Variants in SLC2A9 observed in about 807,000 individuals in gnomAD.
SLC2A9 encodes solute carrier family 2 member 9.
Under a neutral mutation model 50.6 loss-of-function variants are expected in SLC2A9, and 39 were observed. The ratio of observed to expected loss-of-function variants is 0.77; its 90% CI spans 0.60 to 1.01. SLC2A9 has a LOEUF of 1.01. SLC2A9 is among the 50% of genes least tolerant of loss of function. The pLI, the probability that SLC2A9 is intolerant of heterozygous loss-of-function variation, is 0.00. For missense variants in SLC2A9, 686 were observed against 677.6 expected (o/e 1.01, Z -0.14); for synonymous variants, 324 against 276.9 (o/e 1.17, Z -1.69).
intron 6 of SLC2A9, among the ~76,000 whole-genome samples, chr4:9,940,983 C>T (rs1437034984): frequency 6.6e-6 from 1 of 152,060 alleles, no homozygotes; most frequent in Non-Finnish European, 1.5e-5. Flanking sequence ...TCACAATGGC[C>T]CCATGAGGGA....
intron 10 of SLC2A9, chr4:9,878,968 A>G (rs1229829495): frequency 1.1e-6 from 1 of 900,046 alleles, no homozygotes; most frequent in African/African-American, 1.8e-5. Context: ...GTGGTGGTAG[A>G]AAACACCACA....
Position 10,019,836 on chromosome 4 carries a change from C to T in SLC2A9, c.151-763G>A, listed in dbSNP as rs533597328. 5.4e-4 allele frequency among the ~76,000 whole-genome samples: 82 copies of T among 152,328 alleles called. No individual in the cohort carries two copies. The South Asian group carries it at 0.01, about 19-fold the overall frequency. ...GGCGCCTGCCTTGGTGTTGTCCTGC[C>T]CTGCAGCCCCATCTAAGGACAGCCA... On this transcript the variant is annotated intron_variant, in intron 1 of 11. Transcript: ENST00000264784.
At chr4:9,882,823 G>A (rs568637328) in intron 10 of SLC2A9, among the ~76,000 whole-genome samples, 17 of 151,948 alleles carry the variant, frequency 1.1e-4, no homozygotes, top group East Asian at 7.7e-4. Context: ...ATAAATGGCC[G>A]TGTCCATTCT....
At chr4:9,822,064 T>C (rs1724476983), downstream of SLC2A9, among the ~76,000 whole-genome samples, 1 of 152,252 alleles carries the variant, frequency 6.6e-6, no homozygotes, top group South Asian at 2.1e-4. Flanking sequence ...GTAGGGTCTG[T>C]AGGGATATTG....
intron 10 of SLC2A9, among the ~76,000 whole-genome samples, chr4:9,878,177 AT>A (rs1002072342): frequency 7.2e-5 from 11 of 152,130 alleles, no homozygotes; most frequent in African/African-American, 2.4e-4. Context: ...CAATATATAT[AT>A]ATTTGATTTT....
intron 2 of SLC2A9, among the ~76,000 whole-genome samples, chr4:10,007,673 T>C (rs895312288): frequency 5.9e-5 from 9 of 152,234 alleles, no homozygotes; most frequent in Admixed American, 3.9e-4. Context: ...TGCATAGCTG[T>C]GTTTACAGGG....
intron 3 of SLC2A9, among the ~76,000 whole-genome samples, chr4:9,800,491 G>A (rs1002732193): frequency 3.3e-5 from 5 of 152,170 alleles, no homozygotes; most frequent in South Asian, 2.1e-4. Flanking sequence ...TAAGCCAAGC[G>A]GGGAGCTCTC....
downstream of SLC2A9, among the ~76,000 whole-genome samples, chr4:9,824,489 T>C (rs1382189191): frequency 6.6e-6 from 1 of 152,180 alleles, no homozygotes; most frequent in Non-Finnish European, 1.5e-5. Flanking sequence ...CTGTCACTTA[T>C]TTGGGAAGGT....
intron 3 of SLC2A9, among the ~76,000 whole-genome samples, chr4:9,988,318 C>T (rs900637394): frequency 1.3e-4 from 20 of 152,102 alleles, no homozygotes; most frequent in Non-Finnish European, 2.9e-4. Context: ...TGGTCTGAAC[C>T]CTTACTTTGG....
intron 5 of SLC2A9, among the ~76,000 whole-genome samples, chr4:9,948,800 C>T (rs1158619712): frequency 6.6e-6 from 1 of 152,220 alleles, no homozygotes; most frequent in Non-Finnish European, 1.5e-5. Context: ...CTGATCTGAG[C>T]TCATTCTCCA....
chr4:9,981,393 A>G (rs1755860339), intron 4 of SLC2A9, among the ~76,000 whole-genome samples: 1 of 150,730 alleles, frequency 6.6e-6, no homozygotes. Flanking sequence ...GCCAATACAC[A>G]TAGTGGCTAC....
At chr4:9,799,435 G>T (rs925574677) in intron 3 of SLC2A9, among the ~76,000 whole-genome samples, 29 of 152,018 alleles carry the variant, frequency 1.9e-4, no homozygotes, top group Admixed American at 1.8e-3. Context: ...GGTGGAAGGG[G>T]TCAAAAGTTC....
chr4:9,948,493 A>G (rs2108822283), intron 5 of SLC2A9, among the ~76,000 whole-genome samples: 1 of 152,302 alleles, frequency 6.6e-6, no homozygotes, highest in Middle Eastern at 3.4e-3. Flanking sequence ...AGCTTGACTT[A>G]TAGCTGCTGG....
chr4:9,776,720 A>T (rs1361931277), downstream of SLC2A9, among the ~76,000 whole-genome samples: 1 of 152,154 alleles, frequency 6.6e-6, no homozygotes, highest in African/African-American at 2.4e-5. Flanking sequence ...GTTTCCTGTC[A>T]TCCCTGAAGC....
chr4:9,942,038 G>A lies in SLC2A9; in HGVS notation c.689C>T (p.Thr230Ile), dbSNP rs757666799. ...AATCACTCCAAACAGGTATGGCCAG[G>A]TACTCTCCTGTGGGAGAAGGAGATG... ...GLPELLGKES[T>I]WPYLFGVIVV... Residue 230 changes from threonine (T) to isoleucine (I), a missense_variant, in exon 6 of 12, where the codon ACC becomes ATC. Coordinates refer to ENST00000264784, the MANE Select transcript of SLC2A9 (RefSeq NM_020041.3). 2 of 1,614,080 alleles carry A rather than the reference G, an allele frequency of 1.2e-6. No homozygotes were observed. The highest frequency in any genetic ancestry group is 2.2e-5 in the South Asian group (2 of 91,084).
At chr4:9,811,247 T>C (rs1350069159) in intron 3 of SLC2A9, among the ~76,000 whole-genome samples, 1 of 152,218 alleles carries the variant, frequency 6.6e-6, no homozygotes, top group Admixed American at 6.5e-5. Flanking sequence ...TAACTCCTCA[T>C]CCTGCATGCC....
intron 11 of SLC2A9, among the ~76,000 whole-genome samples, chr4:9,828,688 C>T (rs188621750): frequency 1.1e-4 from 16 of 152,280 alleles, no homozygotes; most frequent in Non-Finnish European, 2.1e-4. Flanking sequence ...CCTCTTCATC[C>T]GACTTAAAGG....
chr4:9,991,584 T>C (rs1302939801), intron 3 of SLC2A9, among the ~76,000 whole-genome samples: 1 of 152,142 alleles, frequency 6.6e-6, no homozygotes, highest in Non-Finnish European at 1.5e-5. Context: ...TTTGGATTTT[T>C]TTAAGGCTCA....
intron 2 of SLC2A9, among the ~76,000 whole-genome samples, chr4:10,008,021 T>G (rs1213278052): frequency 6.6e-6 from 1 of 152,182 alleles, no homozygotes; most frequent in Non-Finnish European, 1.5e-5. Context: ...TTGTCTGGTT[T>G]GTTCACACCA....
Sources: gnomAD v4.1 joint callset for allele counts (sites outside exome capture counted in the v4.1 genomes callset) on GRCh38, gnomAD v4.1.1 for gene constraint, MANE v1.5 for transcripts, NCBI Gene and HGNC (gene_info 2026-07-23, HGNC 2026-07-21) for gene names.